The following DNAI3 variants were observed in gnomAD, a reference collection of about 807,000 sequenced individuals.
DNAI3 encodes the protein WD repeat domain 63.
A neutral mutation model predicts 115.5 loss-of-function variants in DNAI3; 83 were observed. That is an observed-to-expected ratio of 0.72 (90% CI 0.60 to 0.86). The LOEUF (loss-of-function observed/expected upper bound fraction) is 0.86. DNAI3 is among the 40% of genes least tolerant of loss of function. The probability of loss-of-function intolerance (pLI) is 0.00; values close to 1 mark genes in which losing one functional copy is unlikely to be tolerated. For missense variants in DNAI3, 1,004 were observed against 1,075.8 expected (o/e 0.93, Z 0.93); for synonymous variants, 320 against 347.0 (o/e 0.92, Z 0.86).
At chr1:85,103,811 T>C (rs887208953) in intron 13 of DNAI3, among the ~76,000 whole-genome samples, 1 of 151,304 alleles carries the variant, frequency 6.6e-6, no homozygotes, top group African/African-American at 2.4e-5. Context: ...CACTTGAACC[T>C]GGGAGGCTGA....
At chr1:85,091,300 A>G (rs895344342) in intron 8 of DNAI3, among the ~76,000 whole-genome samples, 1 of 152,260 alleles carries the variant, frequency 6.6e-6, no homozygotes, top group African/African-American at 2.4e-5. Flanking sequence ...AAAAATGTTC[A>G]AAATAAATCC....
chr1:85,080,389 A>G (rs1654604525), intron 3 of DNAI3, among the ~76,000 whole-genome samples: 1 of 152,180 alleles, frequency 6.6e-6, no homozygotes, highest in Admixed American at 6.5e-5. Context: ...GCTGAGGGAA[A>G]GCAGCATGGA....
chr1:85,073,477 G>T (rs1017888152), intron 3 of DNAI3, among the ~76,000 whole-genome samples: 1 of 152,190 alleles, frequency 6.6e-6, no homozygotes, highest in Non-Finnish European at 1.5e-5. Context: ...AAAGAGGCTG[G>T]TTTTTAAGCA....
chr1:85,096,070 GT>G, intron 11 of DNAI3, 50 bp downstream of exon 11: 9 of 1,560,024 alleles, frequency 5.8e-6, no homozygotes, highest in Non-Finnish European at 7.9e-6. Context: ...ACAACCTTTG[GT>G]AATAAGTTTT....
In DNAI3 at chr1:85,126,519, G is replaced by A. The variant is rs1258613470; in HGVS notation, c.2121G>A (p.Pro707=). 3.9e-5 allele frequency: 63 copies of A among 1,612,854 alleles called. No homozygotes were observed. The highest frequency in any genetic ancestry group is 1.6e-4 in the Middle Eastern group (1 of 6,080). Residue 707 remains proline (P), a synonymous_variant, in exon 20 of 23, where the codon CCG becomes CCA. Coordinates refer to ENST00000294664, the MANE Select transcript of DNAI3 (RefSeq NM_145172.5). The stretch of plus-strand genomic sequence containing the variant: ...TAAAAATTTGTTTAAAGACTGGACC[G>A]CTCCTTCAGTCATGCTGTGCACCAA... ...AIWKEGVMTG[P]LLQSCCAPKR...
chr1:85,081,979 T>C (rs902263546), intron 4 of DNAI3, among the ~76,000 whole-genome samples: 1 of 152,222 alleles, frequency 6.6e-6, no homozygotes, highest in African/African-American at 2.4e-5. Flanking sequence ...CTATCCTTAT[T>C]TTCTGCTTTA....
chr1:85,085,714 C>G (rs1654780629), intron 6 of DNAI3, 117 bp from the exon 7 acceptor site: 1 of 786,818 alleles, frequency 1.3e-6, no homozygotes, highest in East Asian at 2.7e-5. Flanking sequence ...GCATGCAGAG[C>G]TGGAGGTGCT....
At chr1:85,132,463 G>A (rs1403427930) in intron 22 of DNAI3, among the ~76,000 whole-genome samples, 1 of 152,240 alleles carries the variant, frequency 6.6e-6, no homozygotes, top group East Asian at 1.9e-4. Flanking sequence ...TGGAGACTCA[G>A]CCTGGGACAG....
chr1:85,089,612 C>G (rs1440510876), intron 7 of DNAI3, among the ~76,000 whole-genome samples: 4 of 151,600 alleles, frequency 2.6e-5, no homozygotes, highest in Non-Finnish European at 5.9e-5. Flanking sequence ...GGAAGGCTGT[C>G]TTGTGCTTTG....
In DNAI3 at chr1:85,122,912, C is replaced by G. The variant is rs17121729; in HGVS notation, c.1981+1098C>G. Among the ~76,000 whole-genome samples the G allele has an allele frequency of 2.8e-3, 423 of 152,220 alleles. 3 individuals are homozygous for G. Among genetic ancestry groups the G allele is most frequent in the African/African-American group, 9.8e-3 (405 of 41,538 alleles). On this transcript the variant is annotated intron_variant, in intron 18 of 22. Transcript: ENST00000294664. ...AGCCAACTCTCAGGGAGAGGAAACCCAAGCAGAATCCTCCTGTTACCTGAG... is the reference window on the plus strand; with the variant it reads ...AGCCAACTCTCAGGGAGAGGAAACCGAAGCAGAATCCTCCTGTTACCTGAG...
Position 85,101,617 on chromosome 1 carries a change from A to G in DNAI3, c.1480-2907A>G, listed in dbSNP as rs928226204. ...GTGGCGGGCGCCTGTAGTCCCAGCT[A>G]CTCCAGAGGCTGAGGCGGGAGAATG... On this transcript the variant is annotated intron_variant, in intron 13 of 22. Coordinates refer to ENST00000294664, the MANE Select transcript of DNAI3 (RefSeq NM_145172.5). Among the ~76,000 whole-genome samples the G allele has an allele frequency of 2.7e-5, 4 of 149,388 alleles. No homozygotes were observed. In the East Asian group the frequency reaches 8.0e-4, roughly 30 times the overall value.
chr1:85,124,204 C>G lies in DNAI3; in HGVS notation c.2065C>G (p.Leu689Val), dbSNP rs866656445. Residue 689 changes from leucine to valine, a missense_variant, in exon 19 of 23, where the codon CTC (leucine) becomes GTC (valine). Around this residue, in one of 3 missense-constraint regions of DNAI3, gnomAD observed 429 missense variants for 454.3 expected, o/e 0.94. Transcript: ENST00000294664. The stretch of plus-strand genomic sequence containing the variant: ...ATCACCTTTCTACAACGACATTATT[C>G]TCACGGTTGGAGGTTGGAACGTGGC... ...QRSPFYNDII[L>V]TVGGWNVAIW... 2.5e-6 allele frequency: 4 copies of G among 1,614,014 alleles called. No homozygotes were observed. The highest frequency in any genetic ancestry group is 1.6e-4 in the Middle Eastern group (1 of 6,084).
intron 19 of DNAI3, among the ~76,000 whole-genome samples, chr1:85,125,923 G>A (rs768614364): frequency 3.3e-5 from 5 of 152,194 alleles, no homozygotes; most frequent in Non-Finnish European, 5.9e-5. Flanking sequence ...GTAGAGAAAA[G>A]AGAAGATGAT....
At chr1:85,098,280 T>A (rs1196457070) in intron 12 of DNAI3, among the ~76,000 whole-genome samples, 1 of 152,222 alleles carries the variant, frequency 6.6e-6, no homozygotes, top group Admixed American at 6.5e-5. Context: ...AAATGAGATG[T>A]CTCATTGATT....
chr1:85,068,123 CTAACT>C (rs1443645051), intron 1 of DNAI3, among the ~76,000 whole-genome samples: 3 of 119,788 alleles, frequency 2.5e-5, no homozygotes, highest in African/African-American at 8.8e-5. Context: ...AGTTATTAAT[CTAACT>C]TTTTTTTTTT....
chr1:85,105,978 A>G lies in DNAI3; in HGVS notation c.1553+1381A>G, dbSNP rs1024951055. 8.5e-5 allele frequency among the ~76,000 whole-genome samples: 13 copies of G among 152,294 alleles called. No individual in the cohort carries two copies. The East Asian group carries it at 2.1e-3, about 25-fold the overall frequency. On this transcript the variant is annotated intron_variant, in intron 14 of 22. Transcript: ENST00000294664. The stretch of plus-strand genomic sequence containing the variant: ...CCACTAGAATGCCCCGTCTCTACTA[A>G]AAATACAAAAAATTAGCTGGGCATG...
In DNAI3 at chr1:85,094,661, A is replaced by G. The variant is rs1481923650; in HGVS notation, c.1173+106A>G. On this transcript the variant is annotated intron_variant, in intron 10 of 22. Transcript: ENST00000294664. ...GTACTTTATAATCATGTAATGTTGT[A>G]AACATTTATAAAGTTAGGCTTTCTT... 1.5e-5 allele frequency: 20 copies of G among 1,341,266 alleles called. No homozygotes were observed. In the Middle Eastern group the frequency reaches 8.5e-4, roughly 57 times the overall value. The allele number at this position is 1,341,266 out of a possible 1,614,324, so 83.1% of individuals were successfully genotyped here. A position where few individuals can be genotyped will look rare whatever the true frequency, so the allele number is the denominator to read the frequency against.
chr1:85,073,682 G>A (rs903163298), intron 3 of DNAI3, among the ~76,000 whole-genome samples: 2 of 152,176 alleles, frequency 1.3e-5, no homozygotes, highest in East Asian at 1.9e-4. Context: ...AGCCCTGTAG[G>A]CCACTGTAAA....
At chr1:85,093,886 C>A in intron 9 of DNAI3, 1 of 630,428 alleles carries the variant, frequency 1.6e-6, no homozygotes, top group Non-Finnish European at 2.9e-6. Context: ...AAGCTCAACT[C>A]AGGGAAGTGA....
Sources: gnomAD v4.1 joint callset for allele counts (sites outside exome capture counted in the v4.1 genomes callset) on GRCh38, gnomAD v4.1.1 for gene constraint, gnomAD v4.1.1 regional missense constraint, MANE v1.5 for transcripts, NCBI Gene and HGNC (gene_info 2026-07-23, HGNC 2026-07-21) for gene names.